Variants in RNF212B observed in about 807,000 individuals in gnomAD.
RNF212B encodes ring finger protein 212B.
Under a neutral mutation model 55.5 loss-of-function variants are expected in RNF212B, and 52 were observed. That is an observed-to-expected ratio of 0.94 (90% CI 0.75 to 1.18). The LOEUF (loss-of-function observed/expected upper bound fraction) is 1.18. RNF212B is among the 50% of genes most tolerant of loss of function. The pLI, the probability that RNF212B is intolerant of heterozygous loss-of-function variation, is 0.00. For missense variants in RNF212B, 289 were observed against 350.4 expected (o/e 0.82, Z 1.40); for synonymous variants, 99 against 121.4 (o/e 0.82, Z 1.21).
chr14:23,211,259 G>A (rs1880494376), intron 2 of RNF212B, among the ~76,000 whole-genome samples: 1 of 150,720 alleles, frequency 6.6e-6, no homozygotes, highest in Non-Finnish European at 1.5e-5. Context: ...GAACAACTTA[G>A]ATAAAAATGG....
chr14:23,223,091 A>G (rs1218131238), intron 2 of RNF212B, among the ~76,000 whole-genome samples: 1 of 151,538 alleles, frequency 6.6e-6, no homozygotes, highest in Admixed American at 6.6e-5. Flanking sequence ...AAGATTGTTC[A>G]TCATGATCAA....
intron 1 of RNF212B, among the ~76,000 whole-genome samples, chr14:23,186,337 A>C (rs1309390970): frequency 9.5e-6 from 1 of 105,256 alleles, no homozygotes; most frequent in Non-Finnish European, 2.0e-5. Context: ...TGTTTATTAA[A>C]TTTTGAGCAT....
chr14:23,243,235 T>G (rs1883729594), intron 2 of RNF212B, 21 bp from the exon 3 acceptor site: 3 of 1,547,030 alleles, frequency 1.9e-6, no homozygotes, highest in South Asian at 2.4e-5. Context: ...AGCCAAATAT[T>G]TTTTTCCCTT....
intron 4 of RNF212B, among the ~76,000 whole-genome samples, chr14:23,256,092 G>A (rs1284600000): frequency 6.6e-6 from 1 of 151,972 alleles, no homozygotes; most frequent in Non-Finnish European, 1.5e-5. Context: ...TTCCACAGTG[G>A]GGTCTGTTTA....
chr14:23,258,636 G>A lies in RNF212B; in HGVS notation c.316G>A (p.Ala106Thr). 6.5e-7 allele frequency: 1 copy of A among 1,534,364 alleles called. No individual in the cohort carries two copies. The highest frequency in any genetic ancestry group is 2.5e-5 in the East Asian group (1 of 40,184). ...AAAGTTAGAAACAGCCATGCAGGAG[G>A]CACAGCAAGCACTGGTGAGCCAGGA... ...ITKLETAMQEAQQALVSQDKE... is the reference protein window; with the variant it reads ...ITKLETAMQETQQALVSQDKE... The change falls in exon 5 of 15, where the codon GCA (alanine) becomes ACA (threonine). Residue 106 changes from alanine to threonine, a missense_variant. Physicochemically the swap from Ala to Thr is moderately conservative, Grantham distance 58. Transcript: ENST00000430154.
At chr14:23,207,912 A>G (rs1880004604) in intron 2 of RNF212B, among the ~76,000 whole-genome samples, 1 of 152,210 alleles carries the variant, frequency 6.6e-6, no homozygotes, top group Admixed American at 6.5e-5. Context: ...AAGCAAAGGT[A>G]GGCAGACTCT....
intron 2 of RNF212B, among the ~76,000 whole-genome samples, chr14:23,200,320 C>G (rs1594865791): frequency 6.6e-6 from 1 of 151,950 alleles, no homozygotes; most frequent in East Asian, 1.9e-4. Context: ...GGGTGAATTT[C>G]CTCTCCCCCA....
intron 2 of RNF212B, among the ~76,000 whole-genome samples, chr14:23,214,341 A>G (rs988513733): frequency 4.6e-5 from 7 of 151,958 alleles, no homozygotes; most frequent in African/African-American, 1.7e-4. Context: ...TAAAAATACA[A>G]AAGTTAGCTG....
chr14:23,271,909 A>G (rs1047511078), intron 14 of RNF212B, among the ~76,000 whole-genome samples: 1 of 152,198 alleles, frequency 6.6e-6, no homozygotes, highest in Non-Finnish European at 1.5e-5. Context: ...TTTTGGTATG[A>G]TGATATCGTA....
chr14:23,229,038 T>G (rs1882290110), intron 2 of RNF212B, among the ~76,000 whole-genome samples: 1 of 151,764 alleles, frequency 6.6e-6, no homozygotes, highest in South Asian at 2.1e-4. Context: ...ATACCCCTAG[T>G]TCCTGCTAAC....
intron 1 of RNF212B, among the ~76,000 whole-genome samples, chr14:23,191,348 C>CAAAAAAAA (rs776652211): frequency 2.1e-5 from 1 of 48,184 alleles, no homozygotes; most frequent in Admixed American, 2.3e-4. Flanking sequence ...GACCCTGTCT[C>CAAAAAAAA]AAAAAAAAAA....
Position 23,229,261 on chromosome 14 carries a change from T to TATACAC in RNF212B, c.-1-11083_-1-11082insTACACA, listed in dbSNP as rs558232357. ...ATATATATATATATATATATATATA[T>TATACAC]ACCACATTGTTTATCCATTCATCTA... On this transcript the variant is annotated intron_variant, in intron 2 of 15. Transcript: ENST00000399910. Among the ~76,000 whole-genome samples the TATACAC allele has an allele frequency of 3.6e-3, 453 of 127,136 alleles. 4 individuals carry two copies. The highest frequency in any genetic ancestry group is 6.4e-3 in the Non-Finnish European group (383 of 60,188). The allele number at this position is 127,136 out of a possible 152,430, so 83.4% of individuals were successfully genotyped here. A position where few individuals can be genotyped will look rare whatever the true frequency, so the allele number is the denominator to read the frequency against.
chr14:23,264,969 G>A (rs555873388), intron 11 of RNF212B, among the ~76,000 whole-genome samples: 160 of 152,074 alleles, frequency 1.1e-3, no homozygotes, highest in Non-Finnish European at 1.7e-3. Context: ...TTACAGGCAT[G>A]TGCCACCACG....
At chr14:23,260,575 A>T in intron 6 of RNF212B, 84 bp from the exon 7 acceptor site, 1 of 1,282,834 alleles carries the variant, frequency 7.8e-7, no homozygotes, top group Non-Finnish European at 1.1e-6. Flanking sequence ...CACTGAGCTT[A>T]GTTATCTCGC....
chr14:23,254,324 AC>A (rs1454988496), intron 4 of RNF212B, among the ~76,000 whole-genome samples: 2 of 144,072 alleles, frequency 1.4e-5, no homozygotes, highest in South Asian at 2.3e-4. Flanking sequence ...AAACAAAAAA[AC>A]AAAAACAAAA....
chr14:23,243,475 C>A (rs575781765), intron 3 of RNF212B, among the ~76,000 whole-genome samples, 167 bp downstream of exon 3: 16 of 151,620 alleles, frequency 1.1e-4, no homozygotes, highest in Non-Finnish European at 1.6e-4. Flanking sequence ...GCGGGTGGAT[C>A]GCCTGAGCTC....
intron 2 of RNF212B, among the ~76,000 whole-genome samples, chr14:23,222,911 G>A (rs771410285): frequency 3.0e-4 from 46 of 151,884 alleles, no homozygotes; most frequent in South Asian, 8.3e-4. Flanking sequence ...AAAATTAGCC[G>A]GGCATGGTGG....
At chr14:23,269,296 C>T (rs1885910153) in intron 12 of RNF212B, among the ~76,000 whole-genome samples, 1 of 152,192 alleles carries the variant, frequency 6.6e-6, no homozygotes. Flanking sequence ...GAGTGAGACT[C>T]CGTCTCAAAA....
chr14:23,262,526 C>CTA (rs1449820405), intron 7 of RNF212B, 139 bp from the exon 8 acceptor site: 6 of 716,306 alleles, frequency 8.4e-6, no homozygotes, highest in East Asian at 5.4e-5. Flanking sequence ...AGGATGCTAC[C>CTA]TATAATACAT....
Sources: allele counts gnomAD v4.1 joint callset (sites outside exome capture counted in the v4.1 genomes callset), GRCh38; gene constraint gnomAD v4.1.1; transcripts MANE v1.5; gene names NCBI Gene and HGNC (gene_info 2026-07-23, HGNC 2026-07-21).